The following AGBL4 variants were observed in gnomAD, a reference collection of about 807,000 sequenced individuals.
The protein encoded by AGBL4 is cytosolic carboxypeptidase 6.
A neutral mutation model predicts 66.4 loss-of-function variants in AGBL4; 58 were observed. That is an observed-to-expected ratio of 0.87 (90% CI 0.71 to 1.09). The LOEUF (loss-of-function observed/expected upper bound fraction) is 1.09. AGBL4 is among the 50% of genes least tolerant of loss of function. AGBL4 has a pLI of 0.00. For missense variants in AGBL4, 579 were observed against 631.0 expected, an observed-to-expected ratio of 0.92 and a Z score of 0.88; for synonymous variants, 234 against 222.9, an observed-to-expected ratio of 1.05 and a Z score of -0.44.
intron 2 of AGBL4, among the ~76,000 whole-genome samples, chr1:49,738,844 C>A (rs1020283410): frequency 3.3e-5 from 5 of 152,152 alleles, no homozygotes; most frequent in Non-Finnish European, 7.3e-5. Context: ...AGCTGAGGGT[C>A]CTGACTGTTA....
At chr1:48,614,463 A>G (rs1645287110) in intron 9 of AGBL4, among the ~76,000 whole-genome samples, 1 of 152,236 alleles carries the variant, frequency 6.6e-6, no homozygotes, top group African/African-American at 2.4e-5. Flanking sequence ...AGTAGTATTG[A>G]GGCTGATCAT....
chr1:49,945,577 G>C (rs1655133754), intron 1 of AGBL4, among the ~76,000 whole-genome samples: 1 of 151,994 alleles, frequency 6.6e-6, no homozygotes, highest in Admixed American at 6.6e-5. Context: ...TCTAAATCTT[G>C]AAACAAATCC....
rs140973684 is a variant in AGBL4, at chr1:49,255,970, T to C, written c.283-10106A>G. Among the ~76,000 whole-genome samples the C allele has an allele frequency of 3.1e-3, 478 of 152,088 alleles. 3 individuals carry two copies. Among genetic ancestry groups the C allele is most frequent in the Non-Finnish European group, 5.4e-3 (367 of 67,958 alleles). On this transcript the variant is annotated intron_variant, in intron 3 of 13. Coordinates refer to ENST00000371839, the MANE Select transcript of AGBL4 (RefSeq NM_032785.4). ...GTGGGAGCTAAATGATAACACATGG[T>C]CACACAGAGGGGAACAACACACACT...
At chr1:49,313,944 T>C (rs1252310930) in intron 3 of AGBL4, among the ~76,000 whole-genome samples, 1 of 152,320 alleles carries the variant, frequency 6.6e-6, no homozygotes, top group African/African-American at 2.4e-5. Flanking sequence ...TCTTTGCCCA[T>C]GCCTATGTCC....
chr1:49,399,140 C>A (rs555487178), intron 3 of AGBL4, among the ~76,000 whole-genome samples: 2 of 152,140 alleles, frequency 1.3e-5, no homozygotes, highest in South Asian at 4.2e-4. Flanking sequence ...ACAAAATGAC[C>A]TCCGGAGCTC....
intron 2 of AGBL4, among the ~76,000 whole-genome samples, chr1:49,850,014 C>T (rs530781776): frequency 6.6e-6 from 1 of 152,174 alleles, no homozygotes; most frequent in South Asian, 2.1e-4. Flanking sequence ...AAATAAAAAG[C>T]CATTGTTCTT....
At chr1:48,771,252 A>G (rs1644813416) in intron 6 of AGBL4, among the ~76,000 whole-genome samples, 1 of 152,158 alleles carries the variant, frequency 6.6e-6, no homozygotes, top group South Asian at 2.1e-4. Context: ...GTCCCTAAGG[A>G]GCTTATAAGA....
intron 9 of AGBL4, among the ~76,000 whole-genome samples, chr1:48,613,582 C>T (rs540989522): frequency 2.2e-4 from 34 of 152,288 alleles, no homozygotes; most frequent in Admixed American, 2.1e-3. Flanking sequence ...CTTTGGCTAA[C>T]GGAATGTGAG....
intron 5 of AGBL4, among the ~76,000 whole-genome samples, chr1:48,968,954 T>C (rs1336060035): frequency 6.6e-6 from 1 of 152,154 alleles, no homozygotes; most frequent in Non-Finnish European, 1.5e-5. Context: ...CAAAATAACA[T>C]GTATTTAACT....
intron 4 of AGBL4, among the ~76,000 whole-genome samples, chr1:49,131,761 A>T (rs1011778432): frequency 6.6e-6 from 1 of 152,166 alleles, no homozygotes; most frequent in African/African-American, 2.4e-5. Context: ...GGAAGAGCAG[A>T]ACAAGAATAA....
intron 1 of AGBL4, among the ~76,000 whole-genome samples, chr1:49,857,197 T>G (rs1345551573): frequency 1.3e-5 from 2 of 151,838 alleles, no homozygotes; most frequent in Admixed American, 1.3e-4. Context: ...CAATGAAAAT[T>G]CCAAAACACT....
At chr1:49,671,554 A>G (rs1646476595) in intron 3 of AGBL4, among the ~76,000 whole-genome samples, 1 of 152,234 alleles carries the variant, frequency 6.6e-6, no homozygotes, top group Non-Finnish European at 1.5e-5. Flanking sequence ...GACAACCTAC[A>G]GAATGGGAGT....
intron 3 of AGBL4, among the ~76,000 whole-genome samples, chr1:49,565,589 C>G (rs950318351): frequency 6.6e-6 from 1 of 152,166 alleles, no homozygotes; most frequent in East Asian, 1.9e-4. Flanking sequence ...ATATGAAATT[C>G]TGGGTTGAAA....
At chr1:48,827,102 C>T (rs1040392810) in intron 6 of AGBL4, among the ~76,000 whole-genome samples, 4 of 152,264 alleles carry the variant, frequency 2.6e-5, no homozygotes, top group South Asian at 2.1e-4. Context: ...CCCCTGATTT[C>T]TTAAATCAGA....
rs578046114 is a variant in AGBL4, at chr1:48,701,810, A to T, written c.635-38569T>A. On this transcript the variant is annotated intron_variant, in intron 6 of 13. Coordinates refer to ENST00000371839, the MANE Select transcript of AGBL4 (RefSeq NM_032785.4). ...TTGTTGGGTTTTATTGTTGAATAAA[A>T]CAATAAAAATCCATAATTCTGAACT... Among the ~76,000 whole-genome samples the T allele has an allele frequency of 6.6e-5, 10 of 152,324 alleles. No homozygotes were observed. The South Asian group carries it at 2.1e-3, about 32-fold the overall frequency.
intron 5 of AGBL4, among the ~76,000 whole-genome samples, chr1:48,884,885 T>C (rs1457743173): frequency 6.9e-6 from 1 of 145,108 alleles, no homozygotes; most frequent in Non-Finnish European, 1.5e-5. Context: ...CATGCTGAGA[T>C]GGATGATTGA....
At chr1:49,794,717 C>T (rs1644688166) in intron 2 of AGBL4, among the ~76,000 whole-genome samples, 1 of 151,886 alleles carries the variant, frequency 6.6e-6, no homozygotes, top group African/African-American at 2.4e-5. Context: ...TTTATAGACT[C>T]ATGTTCCTAG....
At chr1:49,552,435 A>C (rs917781084) in intron 3 of AGBL4, among the ~76,000 whole-genome samples, 1 of 152,194 alleles carries the variant, frequency 6.6e-6, no homozygotes, top group Non-Finnish European at 1.5e-5. Flanking sequence ...GGTGCCAGAC[A>C]GGAATGGCCT....
chr1:48,708,427 G>A (rs1452288136), intron 6 of AGBL4, among the ~76,000 whole-genome samples: 2 of 152,176 alleles, frequency 1.3e-5, no homozygotes, highest in Non-Finnish European at 2.9e-5. Context: ...GACAAGGCAG[G>A]GATGTGGGAG....
Sources: gnomAD v4.1 joint callset for allele counts (sites outside exome capture counted in the v4.1 genomes callset) on GRCh38, gnomAD v4.1.1 for gene constraint, MANE v1.5 for transcripts, NCBI Gene and HGNC (gene_info 2026-07-23, HGNC 2026-07-21) for gene names.